TTC28: variants seen among roughly 807,000 people sequenced by gnomAD.
TTC28 encodes the protein tetratricopeptide repeat protein 28.
A neutral mutation model predicts 198.0 loss-of-function variants in TTC28; 61 were observed. That is an observed-to-expected ratio of 0.31 (90% CI 0.25 to 0.38). TTC28 has a LOEUF of 0.38. Ranked by LOEUF, TTC28 falls within the 10% of genes least tolerant of loss-of-function variation. The pLI is 1.00. For synonymous variants in TTC28, 1,171 were observed against 1,297.8 expected (o/e 0.90, Z 2.10); for missense variants, 2,678 against 3,164.0 (o/e 0.85, Z 3.69).
intron 2 of TTC28, among the ~76,000 whole-genome samples, chr22:28,490,263 G>T (rs886892148): frequency 6.6e-6 from 1 of 152,068 alleles, no homozygotes; most frequent in African/African-American, 2.4e-5. Context: ...ATCATACTAG[G>T]TTACACCAAA....
chr22:28,518,302 T>C (rs1449651376), intron 2 of TTC28, among the ~76,000 whole-genome samples: 1 of 152,166 alleles, frequency 6.6e-6, no homozygotes, highest in African/African-American at 2.4e-5. Context: ...TCACAGATGA[T>C]AGACTTAAAT....
intron 2 of TTC28, among the ~76,000 whole-genome samples, chr22:28,309,690 C>G (rs2045216437): frequency 6.6e-6 from 1 of 152,166 alleles, no homozygotes; most frequent in Non-Finnish European, 1.5e-5. Flanking sequence ...AGATGGGTGT[C>G]TCTAGGGCAA....
chr22:28,529,312 G>A (rs1248909231), intron 2 of TTC28, among the ~76,000 whole-genome samples: 2 of 152,194 alleles, frequency 1.3e-5, no homozygotes, highest in African/African-American at 4.8e-5. Context: ...CTCACTGCTA[G>A]CACAGCAGTC....
intron 6 of TTC28, among the ~76,000 whole-genome samples, chr22:28,157,847 A>T (rs1943783392): frequency 6.6e-6 from 1 of 152,216 alleles, no homozygotes. Flanking sequence ...TTCCTCTAGT[A>T]TCTGGAACAC....
chr22:28,395,679 G>C (rs1373148794), intron 2 of TTC28, among the ~76,000 whole-genome samples: 1 of 149,742 alleles, frequency 6.7e-6, no homozygotes, highest in South Asian at 2.1e-4. Context: ...CATTGTTACT[G>C]TGTATTTATA....
In TTC28 at chr22:28,175,634, G is replaced by A. The variant is rs541521483; in HGVS notation, c.934-12035C>T. 1.6e-4 allele frequency among the ~76,000 whole-genome samples: 24 copies of A among 152,218 alleles called. No homozygotes were observed. In the East Asian group the frequency reaches 1.9e-3, roughly 12 times the overall value. ...TGTAATCCCAGCTACTCAGGAGGCC[G>A]AAACAAGAGAATCGCTTAAGCCAGG... On this transcript the variant is annotated intron_variant, in intron 5 of 22. Transcript: ENST00000397906.
At chr22:28,484,088 T>C (rs1465476527) in intron 2 of TTC28, among the ~76,000 whole-genome samples, 1 of 152,042 alleles carries the variant, frequency 6.6e-6, no homozygotes, top group Non-Finnish European at 1.5e-5. Flanking sequence ...TTTTTTTTAT[T>C]TTTTTATTTT....
chr22:28,630,629 T>C (rs762542321), intron 1 of TTC28, among the ~76,000 whole-genome samples: 3 of 152,154 alleles, frequency 2.0e-5, no homozygotes, highest in African/African-American at 7.2e-5. Context: ...TATTCCTTTA[T>C]AGCCACACAA....
chr22:28,641,999 A>G (rs2051373938), intron 1 of TTC28, among the ~76,000 whole-genome samples: 1 of 152,180 alleles, frequency 6.6e-6, no homozygotes. Flanking sequence ...GAGATTCTGC[A>G]TTTAACAAGC....
At chr22:28,045,461 G>T (rs754597203) in intron 12 of TTC28, among the ~76,000 whole-genome samples, 3 of 152,170 alleles carry the variant, frequency 2.0e-5, no homozygotes, top group Admixed American at 2.0e-4. Context: ...GCACTCAGGG[G>T]AAGCAAACCT....
rs139425641 is a variant in TTC28, at chr22:28,388,487, T to A, written c.382-81844A>T. ...TCTTCCTACCCATGAGCATAGAACG[T>A]TCTTCCATTTGTTTGTATCCTCTTT... On this transcript the variant is annotated intron_variant, in intron 2 of 22. Transcript: ENST00000397906. 6.2e-3 allele frequency among the ~76,000 whole-genome samples: 942 copies of A among 152,320 alleles called. 12 individuals carry two copies. The highest frequency in any genetic ancestry group is 0.029 in the Admixed American group (446 of 15,294).
chr22:28,516,237 A>G (rs2146410019), intron 2 of TTC28, among the ~76,000 whole-genome samples: 1 of 152,274 alleles, frequency 6.6e-6, no homozygotes, highest in African/African-American at 2.4e-5. Context: ...GTAAACTAAT[A>G]TGGTAATGCT....
chr22:28,314,571 C>T (rs758531336), intron 2 of TTC28, among the ~76,000 whole-genome samples: 3 of 152,152 alleles, frequency 2.0e-5, no homozygotes, highest in Admixed American at 6.5e-5. Context: ...ACATCTACCA[C>T]CATCTGATCT....
chr22:28,021,805 G>A (rs945399847), intron 13 of TTC28, among the ~76,000 whole-genome samples: 2 of 152,124 alleles, frequency 1.3e-5, no homozygotes, highest in African/African-American at 4.8e-5. Flanking sequence ...TCTAGATATA[G>A]GGCCAGGAAT....
intron 12 of TTC28, among the ~76,000 whole-genome samples, chr22:28,071,888 C>T (rs1940994524): frequency 6.6e-6 from 1 of 152,154 alleles, no homozygotes; most frequent in East Asian, 1.9e-4. Flanking sequence ...ACCGCATTAG[C>T]ATAAGCCTAT....
At chr22:28,369,175 T>A (rs915053772) in intron 2 of TTC28, among the ~76,000 whole-genome samples, 35 of 152,078 alleles carry the variant, frequency 2.3e-4, no homozygotes, top group African/African-American at 8.5e-4. Flanking sequence ...CATACCAGAC[T>A]TCAAATTACA....
At chr22:28,018,799 T>C (rs1938483112) in intron 13 of TTC28, among the ~76,000 whole-genome samples, 1 of 151,982 alleles carries the variant, frequency 6.6e-6, no homozygotes, top group Non-Finnish European at 1.5e-5. Flanking sequence ...GTGCGCATGG[T>C]GGGAGGGTGT....
At chr22:28,085,152 T>C (rs561456546) in intron 12 of TTC28, among the ~76,000 whole-genome samples, 1 of 151,766 alleles carries the variant, frequency 6.6e-6, no homozygotes, top group South Asian at 2.1e-4. Context: ...ATTCAGGAAA[T>C]ACAGAGAATG....
At chr22:28,373,729 G>A (rs866630789) in intron 2 of TTC28, among the ~76,000 whole-genome samples, 12 of 152,106 alleles carry the variant, frequency 7.9e-5, no homozygotes, top group Admixed American at 5.2e-4. Context: ...ACTAGCTTCC[G>A]AAAATGACAG....
Sources: allele counts gnomAD v4.1 joint callset (sites outside exome capture counted in the v4.1 genomes callset), GRCh38; gene constraint gnomAD v4.1.1; transcripts MANE v1.5; gene names NCBI Gene and HGNC (gene_info 2026-07-23, HGNC 2026-07-21).